The following FAM117B variants were observed in gnomAD, a reference collection of about 807,000 sequenced individuals.
The protein encoded by FAM117B is protein FAM117B.
In FAM117B, 22 loss-of-function variants were observed where a neutral mutation model predicts 52.8. The observed-to-expected ratio is 0.42, with a 90% CI of 0.30 to 0.59. The LOEUF is 0.59. FAM117B is among the 20% of genes least tolerant of loss of function. The pLI is 0.22. For missense variants in FAM117B, 678 were observed against 802.6 expected, an observed-to-expected ratio of 0.84 and a Z score of 1.88; for synonymous variants, 309 against 324.1, an observed-to-expected ratio of 0.95 and a Z score of 0.50.
intron 1 of FAM117B, among the ~76,000 whole-genome samples, chr2:202,695,347 A>G (rs1472022325): frequency 6.6e-6 from 1 of 152,016 alleles, no homozygotes; most frequent in Non-Finnish European, 1.5e-5. Flanking sequence ...AACAATTTAT[A>G]TGTTATAAAT....
chr2:202,735,932 C>T (rs554274648), intron 4 of FAM117B, among the ~76,000 whole-genome samples: 55 of 152,166 alleles, frequency 3.6e-4, no homozygotes, highest in African/African-American at 1.3e-3. Flanking sequence ...TATCCCTACC[C>T]CCGAGGTAAG....
chr2:202,725,925 AAATT>A (rs1242704957), intron 3 of FAM117B, among the ~76,000 whole-genome samples: 1 of 152,238 alleles, frequency 6.6e-6, no homozygotes, highest in Non-Finnish European at 1.5e-5. Flanking sequence ...ATTGAAATAA[AAATT>A]AACTTATGGT....
chr2:202,694,887 T>G (rs1690687373), intron 1 of FAM117B, among the ~76,000 whole-genome samples: 1 of 152,242 alleles, frequency 6.6e-6, no homozygotes, highest in Non-Finnish European at 1.5e-5. Flanking sequence ...TAGATGTCAT[T>G]ATCAAATAAC....
At chr2:202,749,396 T>G (rs1015756801) in intron 4 of FAM117B, among the ~76,000 whole-genome samples, 8 of 151,706 alleles carry the variant, frequency 5.3e-5, no homozygotes, top group Admixed American at 5.3e-4. Context: ...ATGATTTGGT[T>G]AAACGTTTTA....
At chr2:202,758,024 T>G (rs1691829023) in intron 6 of FAM117B, among the ~76,000 whole-genome samples, 1 of 152,220 alleles carries the variant, frequency 6.6e-6, no homozygotes, top group South Asian at 2.1e-4. Context: ...AAACAAATAT[T>G]AGCCTTGCAT....
rs184576811 is a variant in FAM117B, at chr2:202,768,015, G to A, written c.*2251G>A. The A allele has an allele frequency of 6.6e-6, 1 of 152,292 alleles. No individual in the cohort carries two copies. Among genetic ancestry groups the A allele is most frequent in the East Asian group, 1.9e-4 (1 of 5,184 alleles). The allele number at this position is 152,292 out of a possible 1,614,324, so 9.4% of individuals were successfully genotyped here. On this transcript the variant is annotated 3_prime_UTR_variant, in exon 8 of 8. Coordinates refer to ENST00000392238, the MANE Select transcript of FAM117B (RefSeq NM_173511.4). ...ACTGTATCACCACTGAGTATCTGCT[G>A]TATCAGAAGTTCAGAAGAAAAGGTA...
intron 1 of FAM117B, among the ~76,000 whole-genome samples, chr2:202,636,989 T>A (rs1689696227): frequency 6.6e-6 from 1 of 152,116 alleles, no homozygotes; most frequent in Non-Finnish European, 1.5e-5. Context: ...AGCCTCCAAC[T>A]CCCGGGTTCA....
At chr2:202,655,751 A>AGTGTGT (rs1690045510) in intron 1 of FAM117B, among the ~76,000 whole-genome samples, 5 of 132,044 alleles carry the variant, frequency 3.8e-5, no homozygotes, top group African/African-American at 1.9e-4. Flanking sequence ...AGAGAGAGAG[A>AGTGTGT]GAGAGAGAGA....
At position 202,749,789 on chromosome 2, in the gene FAM117B, TA is replaced by T. The variant is rs573437438; in HGVS notation, c.961-5742del. Among the ~76,000 whole-genome samples the T allele has an allele frequency of 2.1e-3, 320 of 151,928 alleles. 3 individuals carry two copies. Among genetic ancestry groups the T allele is most frequent in the African/African-American group, 7.2e-3 (299 of 41,448 alleles). On this transcript the variant is annotated intron_variant, in intron 4 of 7. Transcript: ENST00000392238. ...AATTATATTTTTAAAATTATTTAAA[TA>T]AAAAAAGAGTAAACAATGAAGTTAA...
At chr2:202,715,861 C>G (rs966163056) in intron 2 of FAM117B, among the ~76,000 whole-genome samples, 1 of 152,252 alleles carries the variant, frequency 6.6e-6, no homozygotes, top group South Asian at 2.1e-4. Context: ...TGGCGGATCA[C>G]TTGCGGTTAG....
chr2:202,689,041 A>T (rs1453893653), intron 1 of FAM117B, among the ~76,000 whole-genome samples: 1 of 152,176 alleles, frequency 6.6e-6, no homozygotes, highest in African/African-American at 2.4e-5. Flanking sequence ...TACCCTTTTT[A>T]TTTCTCTCAA....
At chr2:202,691,917 T>A (rs1240885475) in intron 1 of FAM117B, among the ~76,000 whole-genome samples, 2 of 152,170 alleles carry the variant, frequency 1.3e-5, no homozygotes, top group African/African-American at 4.8e-5. Flanking sequence ...CATGGAGAGA[T>A]AGGTAGCATT....
intron 1 of FAM117B, among the ~76,000 whole-genome samples, chr2:202,676,950 A>G (rs1023913055): frequency 6.6e-6 from 1 of 152,096 alleles, no homozygotes; most frequent in African/African-American, 2.4e-5. Context: ...GAGGAAGGAG[A>G]ATTCTTATTA....
At chr2:202,754,480 CTTATT>C (rs1387011070) in intron 4 of FAM117B, among the ~76,000 whole-genome samples, 1 of 151,930 alleles carries the variant, frequency 6.6e-6, no homozygotes, top group Non-Finnish European at 1.5e-5. Flanking sequence ...GCACATGTAT[CTTATT>C]TTTTTTAAGA....
intron 1 of FAM117B, among the ~76,000 whole-genome samples, chr2:202,684,629 A>G (rs1267375725): frequency 3.3e-5 from 5 of 152,208 alleles, no homozygotes; most frequent in African/African-American, 7.2e-5. Flanking sequence ...CAAGAAAGCT[A>G]TAATGTGCCT....
rs1690522484 is a variant in FAM117B at position 202,685,263 on chromosome 2, G to A, written c.602-10618G>A. The stretch of plus-strand genomic sequence containing the variant: ...GCCTCCCAAAGTGCTAGGATTACAG[G>A]TGTGAGCTACTGTGCCTGGCCAATT... On this transcript the variant is annotated intron_variant, in intron 1 of 7. Transcript: ENST00000392238. Among the ~76,000 whole-genome samples, 3 of 152,188 alleles carry A rather than the reference G, an allele frequency of 2.0e-5. 1 individual carries two copies. In the South Asian group the frequency reaches 6.2e-4, roughly 32 times the overall value.
intron 1 of FAM117B, among the ~76,000 whole-genome samples, chr2:202,651,992 G>T (rs1446961375): frequency 6.7e-6 from 1 of 149,762 alleles, no homozygotes; most frequent in Non-Finnish European, 1.5e-5. Flanking sequence ...GGCAGGGTTT[G>T]CAGTGAGCTG....
chr2:202,697,554 T>C (rs1267594521), intron 2 of FAM117B, among the ~76,000 whole-genome samples: 1 of 151,758 alleles, frequency 6.6e-6, no homozygotes, highest in Non-Finnish European at 1.5e-5. Context: ...TCTTTCTTTT[T>C]TTTTTTTTTC....
At chr2:202,663,499 TAGTA>T (rs1366153820) in intron 1 of FAM117B, among the ~76,000 whole-genome samples, 2 of 152,140 alleles carry the variant, frequency 1.3e-5, no homozygotes, top group African/African-American at 4.8e-5. Context: ...TCTGAAATAA[TAGTA>T]TGTGTTTTAT....
Sources: gnomAD v4.1 joint callset for allele counts (sites outside exome capture counted in the v4.1 genomes callset) on GRCh38, gnomAD v4.1.1 for gene constraint, MANE v1.5 for transcripts, NCBI Gene and HGNC (gene_info 2026-07-23, HGNC 2026-07-21) for gene names.